The following FIGN variants were observed in gnomAD, a reference collection of about 807,000 sequenced individuals.
The protein encoded by FIGN is fidgetin.
FIGN carries 11 observed loss-of-function variants against 51.3 expected under a neutral mutation model. The ratio of observed to expected loss-of-function variants is 0.21; its 90% CI spans 0.13 to 0.35. The LOEUF is 0.35. Ranked by LOEUF, FIGN falls within the 10% of genes least tolerant of loss-of-function variation. FIGN has a pLI of 1.00. For missense variants in FIGN, 857 were observed against 943.6 expected (o/e 0.91, Z 1.20); for synonymous variants, 407 against 363.2 (o/e 1.12, Z -1.37).
At chr2:163,699,564 T>C (rs1684375869) in intron 2 of FIGN, among the ~76,000 whole-genome samples, 1 of 152,150 alleles carries the variant, frequency 6.6e-6, no homozygotes, top group Non-Finnish European at 1.5e-5. Flanking sequence ...TTAGAACATC[T>C]TTCCAAAAAA....
rs759038968 is a variant in FIGN at position 163,610,900 on chromosome 2, C to T, written c.932G>A (p.Ser311Asn). ...TTTCCTTTTGAGAGAACTTGCTGAA[C>T]TGTTTGTCAGAGCCGACGGTGCAAT... is the stretch of plus-strand genomic sequence containing the variant. ...TPIAPSALTN[S>N]SASSLKRKAF... Residue 311 changes from serine (S) to asparagine (N), a missense_variant, in exon 3 of 3, where the codon AGT becomes AAT. By Grantham distance (46) the Ser-to-Asn change is conservative (BLOSUM62 1). Around this residue, in one of 3 missense-constraint regions of FIGN, gnomAD observed 799 missense variants for 849.5 expected, o/e 0.94. Coordinates refer to ENST00000333129, the MANE Select transcript of FIGN (RefSeq NM_018086.4). 3.1e-6 allele frequency: 5 copies of T among 1,612,930 alleles called. No individual in the cohort carries two copies. The highest frequency in any genetic ancestry group is 1.7e-5 in the Admixed American group (1 of 59,874).
chr2:163,632,799 A>G (rs1275448680), intron 2 of FIGN, among the ~76,000 whole-genome samples: 1 of 152,178 alleles, frequency 6.6e-6, no homozygotes, highest in Non-Finnish European at 1.5e-5. Context: ...AGCATAATAC[A>G]AAATGCTCTC....
chr2:163,667,337 AC>A (rs1176997560), intron 2 of FIGN, among the ~76,000 whole-genome samples: 1 of 110,146 alleles, frequency 9.1e-6, no homozygotes, highest in East Asian at 2.6e-4. Flanking sequence ...TACTATCCCC[AC>A]AAAAAAAAAA....
chr2:163,693,341 A>G (rs1684267186), intron 2 of FIGN, among the ~76,000 whole-genome samples: 1 of 152,124 alleles, frequency 6.6e-6, no homozygotes, highest in Non-Finnish European at 1.5e-5. Context: ...GATCCTGAGG[A>G]GGAACTGCAA....
chr2:163,662,861 G>C (rs1452778943), intron 2 of FIGN, among the ~76,000 whole-genome samples: 1 of 152,192 alleles, frequency 6.6e-6, no homozygotes. Flanking sequence ...GAGATCTGAT[G>C]GATTTATCAG....
chr2:163,728,969 C>T (rs574948497), intron 2 of FIGN, among the ~76,000 whole-genome samples: 54 of 152,182 alleles, frequency 3.5e-4, no homozygotes, highest in African/African-American at 8.7e-4. Context: ...AAGTTTAGAA[C>T]GACATACAGA....
At chr2:163,635,791 G>C (rs1683214689) in intron 2 of FIGN, among the ~76,000 whole-genome samples, 1 of 152,056 alleles carries the variant, frequency 6.6e-6, no homozygotes, top group Non-Finnish European at 1.5e-5. Flanking sequence ...TGGTAACTTT[G>C]ATGGGTTATT....
At chr2:163,681,089 T>C (rs1383004130) in intron 2 of FIGN, among the ~76,000 whole-genome samples, 2 of 152,176 alleles carry the variant, frequency 1.3e-5, no homozygotes, top group African/African-American at 4.8e-5. Context: ...TGTTCACATA[T>C]CAATTAAATT....
At chr2:163,636,314 T>C (rs1449956460) in intron 2 of FIGN, among the ~76,000 whole-genome samples, 1 of 152,194 alleles carries the variant, frequency 6.6e-6, no homozygotes, top group Non-Finnish European at 1.5e-5. Context: ...AGACGGAGTT[T>C]CGCTCTTGTT....
In FIGN at chr2:163,611,680, T is replaced by C. The variant is rs1223928926; in HGVS notation, c.152A>G (p.Gln51Arg). Residue 51 changes from glutamine to arginine, a missense_variant, in exon 3 of 3, where the codon CAG becomes CGG. Physicochemically the swap from Gln to Arg is conservative, Grantham distance 43 (BLOSUM62 1). Coordinates refer to ENST00000333129, the MANE Select transcript of FIGN (RefSeq NM_018086.4). ...TATGTCATCATTCGCCCAGGCGTAC[T>C]GATAGGTGCGCTGCAGATGACCTCT... ...AYRGHLQRTYQYAWANDDISA... is the reference protein window; with the variant it reads ...AYRGHLQRTYRYAWANDDISA... 4 of 1,614,210 alleles carry C rather than the reference T, an allele frequency of 2.5e-6. No homozygotes were observed. The highest frequency in any genetic ancestry group is 2.5e-6 in the Non-Finnish European group (3 of 1,180,022).
At chr2:163,734,762 C>T in intron 2 of FIGN, 141 bp downstream of exon 2, 2 of 670,112 alleles carry the variant, frequency 3.0e-6, no homozygotes, top group South Asian at 4.5e-5. Context: ...AGCATGGTGA[C>T]ATTAAACATA....
intron 2 of FIGN, among the ~76,000 whole-genome samples, chr2:163,693,114 A>G (rs912521881): frequency 6.6e-6 from 1 of 152,182 alleles, no homozygotes; most frequent in Non-Finnish European, 1.5e-5. Context: ...GTCACCAACC[A>G]CCTGAAACCA....
chr2:163,659,063 T>C (rs1242582718), intron 2 of FIGN, among the ~76,000 whole-genome samples: 1 of 152,218 alleles, frequency 6.6e-6, no homozygotes, highest in Non-Finnish European at 1.5e-5. Context: ...TCGAAGTTCA[T>C]AAATTTCTTC....
intron 2 of FIGN, among the ~76,000 whole-genome samples, chr2:163,654,721 T>C (rs1452386426): frequency 6.6e-6 from 1 of 152,168 alleles, no homozygotes; most frequent in African/African-American, 2.4e-5. Context: ...TAGAACTGGA[T>C]TGTTTATAAC....
intron 2 of FIGN, among the ~76,000 whole-genome samples, chr2:163,700,032 T>C (rs1331859511): frequency 6.6e-6 from 1 of 151,810 alleles, no homozygotes; most frequent in African/African-American, 2.4e-5. Flanking sequence ...TACAGAAAAT[T>C]GGAAAGGAAA....
chr2:163,633,503 A>T (rs892260074), intron 2 of FIGN, among the ~76,000 whole-genome samples: 2 of 152,222 alleles, frequency 1.3e-5, no homozygotes, highest in African/African-American at 4.8e-5. Context: ...TTCCAGCTCA[A>T]GCACTTACAG....
At chr2:163,637,086 C>T (rs1683237737) in intron 2 of FIGN, among the ~76,000 whole-genome samples, 1 of 152,010 alleles carries the variant, frequency 6.6e-6, no homozygotes, top group Non-Finnish European at 1.5e-5. Context: ...CTCAAACAAA[C>T]AAACAAAAAA....
chr2:163,696,158 C>T (rs1684315571), intron 2 of FIGN, among the ~76,000 whole-genome samples: 1 of 151,758 alleles, frequency 6.6e-6, no homozygotes, highest in Non-Finnish European at 1.5e-5. Context: ...GATGAAGAAG[C>T]TGAATAAAGA....
chr2:163,649,059 T>C (rs1023429869), intron 2 of FIGN, among the ~76,000 whole-genome samples: 1 of 152,216 alleles, frequency 6.6e-6, no homozygotes, highest in South Asian at 2.1e-4. Context: ...TGGAATATAC[T>C]ATATTTTGAA....
Sources: gnomAD v4.1 joint callset for allele counts (sites outside exome capture counted in the v4.1 genomes callset) on GRCh38, gnomAD v4.1.1 for gene constraint, gnomAD v4.1.1 regional missense constraint, MANE v1.5 for transcripts, NCBI Gene and HGNC (gene_info 2026-07-23, HGNC 2026-07-21) for gene names.